The following TRIM7 variants were observed in gnomAD, a reference collection of about 807,000 sequenced individuals.
TRIM7 encodes E3 ubiquitin-protein ligase TRIM7.
Under a neutral mutation model 37.9 loss-of-function variants are expected in TRIM7, and 32 were observed. The observed-to-expected ratio is 0.84, with a 90% CI of 0.64 to 1.13. The LOEUF (loss-of-function observed/expected upper bound fraction) is 1.13. Ranked by LOEUF, TRIM7 falls within the 50% of genes most tolerant of loss-of-function variation. The pLI is 0.00. For missense variants in TRIM7, 732 were observed against 714.0 expected (o/e 1.03, Z -0.29); for synonymous variants, 351 against 321.3 (o/e 1.09, Z -0.99).
chr5:181,204,352 A>C, intron 1 of TRIM7: 6 of 1,200,340 alleles, frequency 5.0e-6, no homozygotes, highest in Non-Finnish European at 4.1e-6. Flanking sequence ...GCGGCCCAGT[A>C]TCTGGCCCAG....
chr5:181,198,078 G>C lies in TRIM7; in HGVS notation c.1024+105C>G. The C allele has an allele frequency of 3.2e-6, 4 of 1,267,990 alleles. No homozygotes were observed. In the South Asian group the frequency reaches 3.9e-5, roughly 12 times the overall value. 78.5% of individuals were successfully genotyped at this position (1,267,990 alleles called of 1,614,324 possible). A position where few individuals can be genotyped will look rare whatever the true frequency, so the allele number is the denominator to read the frequency against. ...GGAACAGGGTTGCTGAGGTGGGTGG[G>C]CTGAAGGAACCGACCATATGCAAAA... On this transcript the variant is annotated intron_variant, in intron 6 of 6. Transcript: ENST00000274773.
At chr5:181,198,359 C>T in intron 5 of TRIM7, 141 bp from the exon 6 acceptor site, 1 of 906,332 alleles carries the variant, frequency 1.1e-6, no homozygotes. Context: ...GGCACAGGGC[C>T]AAGCATGGGG....
Position 181,205,002 on chromosome 5 carries a change from G to C in TRIM7, c.109C>G (p.Arg37Gly). ...ATCSICLELF[R>G]EPVSVECGHS... ...CCGCACTCGACGGACACCGGCTCAC[G>C]AAAGAGCTCTAGGCAGATGGAGCAC... The change falls in exon 1 of 7, where the codon CGT (arginine) becomes GGT (glycine). Residue 37 changes from arginine (R) to glycine (G), a missense_variant. Transcript: ENST00000274773. 2.7e-6 allele frequency: 4 copies of C among 1,487,544 alleles called. No individual in the cohort carries two copies. Among genetic ancestry groups the C allele is most frequent in the Non-Finnish European group, 3.5e-6 (4 of 1,127,248 alleles). The allele number at this position is 1,487,544 out of a possible 1,614,324, so 92.1% of individuals were successfully genotyped here. A position where few individuals can be genotyped will look rare whatever the true frequency, so the allele number is the denominator to read the frequency against.
At position 181,194,562 on chromosome 5, in the gene TRIM7, G is replaced by GTGAT. The variant is rs1477685888; in HGVS notation, c.*600_*603dup. 6 of 152,472 alleles carry GTGAT rather than the reference G, an allele frequency of 3.9e-5. No individual in the cohort carries two copies. Among genetic ancestry groups the GTGAT allele is most frequent in the African/African-American group, 1.4e-4 (6 of 41,470 alleles). The allele number at this position is 152,472 out of a possible 1,614,324, so 9.4% of individuals were successfully genotyped here. A position where few individuals can be genotyped will look rare whatever the true frequency, so the allele number is the denominator to read the frequency against. ...TCCGGCTAAGGAGTGCTGGAGAGCC[G>GTGAT]TGATGCCCACTGGCTGTTGTCCCGG... On this transcript the variant is annotated 3_prime_UTR_variant, in exon 7 of 7. Transcript: ENST00000274773.
At position 181,204,570 on chromosome 5, in the gene TRIM7, G is replaced by T. The variant is rs1757703938; in HGVS notation, c.522+19C>A. On this transcript the variant is annotated intron_variant, in intron 1 of 6. Transcript: ENST00000274773. ...AGGGGGTCCCGGGGACCCACGGGGTGGGTGGGGGCTGCGCTCACCTTGGCC... is the reference window on the plus strand; with the variant it reads ...AGGGGGTCCCGGGGACCCACGGGGTTGGTGGGGGCTGCGCTCACCTTGGCC... 2.2e-6 allele frequency: 3 copies of T among 1,371,468 alleles called. No individual in the cohort carries two copies. The highest frequency in any genetic ancestry group is 2.8e-6 in the Non-Finnish European group (3 of 1,067,204). The allele number at this position is 1,371,468 out of a possible 1,614,324, so 85.0% of individuals were successfully genotyped here. A position where few individuals can be genotyped will look rare whatever the true frequency, so the allele number is the denominator to read the frequency against.
intron 2 of TRIM7, chr5:181,200,794 T>G: frequency 1.0e-6 from 1 of 985,654 alleles, no homozygotes; most frequent in Non-Finnish European, 1.2e-6. Flanking sequence ...CGTTTGGCAC[T>G]CAATATGTCC....
intron 3 of TRIM7, chr5:181,199,332 A>C (rs1582229618): frequency 1.6e-6 from 1 of 606,878 alleles, no homozygotes; most frequent in East Asian, 2.8e-5. Flanking sequence ...CTTTGCCACA[A>C]CTCTTCACGT....
chr5:181,201,440 A>G (rs1428175410), intron 2 of TRIM7, among the ~76,000 whole-genome samples: 1 of 152,214 alleles, frequency 6.6e-6, no homozygotes, highest in Non-Finnish European at 1.5e-5. Context: ...TCATAAATCC[A>G]GAAGTATTTT....
intron 5 of TRIM7, 93 bp downstream of exon 5, chr5:181,198,597 G>T: frequency 1.1e-6 from 1 of 879,488 alleles, no homozygotes; most frequent in Non-Finnish European, 1.9e-6. Flanking sequence ...TTCACACACA[G>T]CTTCTGGAAA....
intron 2 of TRIM7, chr5:181,200,677 C>T: frequency 1.0e-6 from 1 of 996,996 alleles, no homozygotes; most frequent in Middle Eastern, 5.2e-4. Context: ...ATGCGGCATG[C>T]AAGTGTCATA....
chr5:181,205,115 G>T lies in TRIM7; in HGVS notation c.-5C>A. On this transcript the variant is annotated 5_prime_UTR_variant, in exon 1 of 7. Coordinates refer to ENST00000274773, the MANE Select transcript of TRIM7 (RefSeq NM_203293.3). ...CCGCGGTCCCACAGCCGCCATGCGC[G>T]CTCTCCGCGCACCCAGATCTGGTCG... 7.6e-7 allele frequency: 1 copy of T among 1,312,302 alleles called. No individual in the cohort carries two copies. Among genetic ancestry groups the T allele is most frequent in the South Asian group, 2.1e-5 (1 of 48,670 alleles). 81.3% of individuals were successfully genotyped at this position (1,312,302 alleles called of 1,614,324 possible).
rs1582219382 is a variant in TRIM7, at chr5:181,195,136, C to A, written c.*30G>T. 1.9e-6 allele frequency: 3 copies of A among 1,561,590 alleles called. No homozygotes were observed. Among genetic ancestry groups the A allele is most frequent in the Non-Finnish European group, 1.7e-6 (2 of 1,150,618 alleles). The stretch of plus-strand genomic sequence containing the variant: ...GGCGACATCCCCTCCCACCGGCAGC[C>A]CAGAGACAGGAGCTCCCCAGCAGTG... On this transcript the variant is annotated 3_prime_UTR_variant, in exon 7 of 7. Transcript: ENST00000274773.
chr5:181,199,777 T>C, intron 3 of TRIM7, 74 bp downstream of exon 3: 1 of 1,505,296 alleles, frequency 6.6e-7, no homozygotes, highest in African/African-American at 1.4e-5. Flanking sequence ...CCCCCAGGAC[T>C]GACACTGTTC....
intron 1 of TRIM7, 182 bp downstream of exon 1, chr5:181,204,407 G>T: frequency 8.5e-7 from 1 of 1,178,908 alleles, no homozygotes; most frequent in Non-Finnish European, 1.1e-6. Context: ...GTGATGTTGG[G>T]GGTGACAGAG....
chr5:181,203,744 C>T, intron 1 of TRIM7, 104 bp from the exon 2 acceptor site: 1 of 1,502,310 alleles, frequency 6.7e-7, no homozygotes, highest in South Asian at 1.4e-5. Context: ...GCCCTGCTCA[C>T]TGAGGGGGAG....
At chr5:181,203,417 T>C (rs569807225) in intron 2 of TRIM7, 128 bp downstream of exon 2, 6 of 1,527,374 alleles carry the variant, frequency 3.9e-6, no homozygotes, top group Admixed American at 2.2e-5. Flanking sequence ...ATATGGACTC[T>C]ATTATCTTTC....
intron 1 of TRIM7, 179 bp from the exon 2 acceptor site, chr5:181,203,819 A>T (rs1418623577): frequency 2.2e-6 from 3 of 1,364,838 alleles, no homozygotes; most frequent in Non-Finnish European, 2.8e-6. Context: ...AGGTCTCGGG[A>T]TCTTGCTTCC....
At chr5:181,198,858 G>A in intron 4 of TRIM7, 53 bp from the exon 5 acceptor site, 1 of 1,416,894 alleles carries the variant, frequency 7.1e-7, no homozygotes, top group Non-Finnish European at 9.9e-7. Flanking sequence ...TGCTCCCACA[G>A]GCTGTGACAA....
At chr5:181,204,061 C>T (rs1404727924) in intron 1 of TRIM7, 1 of 1,001,236 alleles carries the variant, frequency 1.0e-6, no homozygotes, top group Non-Finnish European at 1.2e-6. Context: ...AAGAAAGGGC[C>T]CCCAGAATCG....
Sources: allele counts gnomAD v4.1 joint callset (sites outside exome capture counted in the v4.1 genomes callset), GRCh38; gene constraint gnomAD v4.1.1; transcripts MANE v1.5; gene names NCBI Gene and HGNC (gene_info 2026-07-23, HGNC 2026-07-21).